The following TTC17 variants were observed in gnomAD, a reference collection of about 807,000 sequenced individuals.
The protein encoded by TTC17 is tetratricopeptide repeat protein 17.
A neutral mutation model predicts 143.8 loss-of-function variants in TTC17; 58 were observed. The observed-to-expected ratio is 0.40, with a 90% CI of 0.33 to 0.50. The LOEUF is 0.50. Ranked by LOEUF, TTC17 falls within the 20% of genes least tolerant of loss-of-function variation. TTC17 has a pLI of 0.49. For missense variants in TTC17, 1,273 were observed against 1,392.5 expected (o/e 0.91, Z 1.37); for synonymous variants, 501 against 497.8 (o/e 1.01, Z -0.09).
intron 21 of TTC17, among the ~76,000 whole-genome samples, chr11:43,480,347 A>G (rs1274163501): frequency 6.6e-6 from 1 of 152,220 alleles, no homozygotes; most frequent in African/African-American, 2.4e-5. Flanking sequence ...GATGGCTAAA[A>G]TGACAACCTA....
chr11:43,484,849 G>T (rs957351004), intron 21 of TTC17, among the ~76,000 whole-genome samples: 1 of 152,152 alleles, frequency 6.6e-6, no homozygotes, highest in Non-Finnish European at 1.5e-5. Flanking sequence ...AGCAGAAGGT[G>T]AGTGGCAGGT....
At chr11:43,406,095 A>G in intron 13 of TTC17, 144 bp downstream of exon 13, 2 of 1,066,344 alleles carry the variant, frequency 1.9e-6, no homozygotes, top group South Asian at 3.4e-5. Flanking sequence ...AATTGGTGAA[A>G]TGATGGCGAA....
intron 21 of TTC17, among the ~76,000 whole-genome samples, chr11:43,458,966 TCGAA>T (rs1257511535): frequency 4.0e-5 from 5 of 125,710 alleles, no homozygotes; most frequent in African/African-American, 1.0e-4. Context: ...TGTATAAGGT[TCGAA>T]TAGTTTGTAT....
chr11:43,482,897 A>G (rs1000936702), intron 21 of TTC17, among the ~76,000 whole-genome samples: 1 of 152,150 alleles, frequency 6.6e-6, no homozygotes, highest in East Asian at 1.9e-4. Context: ...GATATAATAG[A>G]GAAGATGAAC....
chr11:43,488,362 CTGGGAGTCAGAGATCATCAACCAAAAGT>C (rs1948415251), intron 21 of TTC17, among the ~76,000 whole-genome samples: 1 of 152,036 alleles, frequency 6.6e-6, no homozygotes, highest in Non-Finnish European at 1.5e-5. Flanking sequence ...TCTGTAATGG[CTGGGAGTCAGAGATCATCAACCAAAAGT>C]TGCAAATGAA....
intron 15 of TTC17, among the ~76,000 whole-genome samples, chr11:43,413,881 T>C (rs1946714327): frequency 1.3e-5 from 2 of 152,226 alleles, no homozygotes; most frequent in African/African-American, 4.8e-5. Context: ...TTTGGAAGAC[T>C]ATTTGGTTGT....
intron 1 of TTC17, among the ~76,000 whole-genome samples, chr11:43,359,473 C>T (rs1485979629): frequency 6.6e-6 from 1 of 152,168 alleles, no homozygotes; most frequent in African/African-American, 2.4e-5. Flanking sequence ...CGGGTTCACG[C>T]GTCACCGGCC....
In TTC17 at chr11:43,389,705, AG is replaced by A; in HGVS notation, c.305del (p.Gly102AspfsTer20). 6.2e-7 allele frequency: 1 copy of A among 1,613,636 alleles called. No homozygotes were observed. Among genetic ancestry groups the A allele is most frequent in the Non-Finnish European group, 8.5e-7 (1 of 1,179,666 alleles). On this transcript the variant is annotated frameshift_variant, in exon 3 of 24. Coordinates refer to ENST00000039989, the MANE Select transcript of TTC17 (RefSeq NM_018259.6). LOFTEE classifies it high-confidence loss of function. ...TAGAAGAGAATGAGGACAGAGACACAGGACTGGAACAGAGACATAATAAAGA... is the reference window on the plus strand; with the variant it reads ...TAGAAGAGAATGAGGACAGAGACACAGACTGGAACAGAGACATAATAAAGA... ...HIEENEDRDT[G>X]LEQRHNKEDP...
intron 16 of TTC17, among the ~76,000 whole-genome samples, chr11:43,430,931 C>G (rs976414449): frequency 6.6e-6 from 1 of 152,104 alleles, no homozygotes; most frequent in African/African-American, 2.4e-5. Flanking sequence ...TGCTGTCTCT[C>G]CCCTAGCCAC....
At chr11:43,468,078 AAGAC>A (rs1948015824) in intron 21 of TTC17, 1 of 152,190 alleles carries the variant, frequency 6.6e-6, no homozygotes. Context: ...CCAAAAACAA[AAGAC>A]AGAGAATAGA....
At position 43,473,476 on chromosome 11, in the gene TTC17, A is replaced by G. The variant is rs1202667325; in HGVS notation, c.3031-16763A>G. Among the ~76,000 whole-genome samples, 3 of 152,324 alleles carry G rather than the reference A, an allele frequency of 2.0e-5. No individual in the cohort carries two copies. In the East Asian group the frequency reaches 5.8e-4, roughly 29 times the overall value. On this transcript the variant is annotated intron_variant, in intron 21 of 23. Coordinates refer to ENST00000039989, the MANE Select transcript of TTC17 (RefSeq NM_018259.6). Reference sequence around the variant, plus strand: ...AAAAAGAACAAATCAAAACCACACTACATTGAGATATTTTTCACCCATCAC... The same window carrying G: ...AAAAAGAACAAATCAAAACCACACTGCATTGAGATATTTTTCACCCATCAC...
At chr11:43,437,248 T>G (rs965882905) in intron 16 of TTC17, among the ~76,000 whole-genome samples, 1 of 152,162 alleles carries the variant, frequency 6.6e-6, no homozygotes, top group Non-Finnish European at 1.5e-5. Context: ...CTTAAGAACA[T>G]CACAACTCAC....
intron 1 of TTC17, chr11:43,359,404 T>G (rs2134416354): frequency 2.7e-6 from 1 of 364,912 alleles, no homozygotes. Context: ...CCTACGGACC[T>G]TTTTTTAGCT....
At chr11:43,397,845 A>T in intron 7 of TTC17, 129 bp from the exon 8 acceptor site, 1 of 1,322,872 alleles carries the variant, frequency 7.6e-7, no homozygotes, top group Non-Finnish European at 1.0e-6. Context: ...GTGATCTCAT[A>T]AATCATTAGA....
At chr11:43,371,031 G>C (rs903296194) in intron 1 of TTC17, among the ~76,000 whole-genome samples, 4 of 151,392 alleles carry the variant, frequency 2.6e-5, no homozygotes, top group East Asian at 1.9e-4. Flanking sequence ...GGTGGGGGGG[G>C]GGGTCTTGAA....
intron 2 of TTC17, among the ~76,000 whole-genome samples, chr11:43,387,459 A>C (rs1182032891): frequency 6.6e-6 from 1 of 151,882 alleles, no homozygotes; most frequent in African/African-American, 2.4e-5. Context: ...TATCTCCATG[A>C]AAAGTGTGGA....
chr11:43,493,950 AAAGAAT>A lies in TTC17; in HGVS notation c.*52_*57del. The A allele has an allele frequency of 1.3e-6, 2 of 1,517,758 alleles. No individual in the cohort carries two copies. The highest frequency in any genetic ancestry group is 1.8e-6 in the Non-Finnish European group (2 of 1,133,456). 94.0% of individuals were successfully genotyped at this position (1,517,758 alleles called of 1,614,324 possible). On this transcript the variant is annotated 3_prime_UTR_variant, in exon 24 of 24. Transcript: ENST00000039989. ...TTCTCTTTACTCATGCTCTAAAAAA[AAAGAAT>A]AAGAAAAGAAACCAATCATTGTCAG...
At chr11:43,437,812 G>C (rs2134707661) in intron 16 of TTC17, among the ~76,000 whole-genome samples, 1 of 152,206 alleles carries the variant, frequency 6.6e-6, no homozygotes, top group East Asian at 1.9e-4. Context: ...ATTTGCACAA[G>C]AATTGTTACA....
chr11:43,392,582 A>G (rs74675611), intron 5 of TTC17, among the ~76,000 whole-genome samples: 1 of 152,202 alleles, frequency 6.6e-6, no homozygotes, highest in Non-Finnish European at 1.5e-5. Context: ...AGTTTTTTCA[A>G]ATACATAGCT....
Sources: allele counts gnomAD v4.1 joint callset (sites outside exome capture counted in the v4.1 genomes callset), GRCh38; gene constraint gnomAD v4.1.1; transcripts MANE v1.5; gene names NCBI Gene and HGNC (gene_info 2026-07-23, HGNC 2026-07-21).